The following TPTE2 variants were observed in gnomAD, a reference collection of about 807,000 sequenced individuals.
TPTE2 encodes the protein transmembrane phosphoinositide 3-phosphatase and tensin homolog 2, also known as phosphatidylinositol 3,4,5-trisphosphate 3-phosphatase TPTE2.
In TPTE2, 53 loss-of-function variants were observed where a neutral mutation model predicts 78.6. The observed-to-expected ratio is 0.67, with a 90% CI of 0.54 to 0.85. The LOEUF is 0.85. Ranked by LOEUF, TPTE2 falls within the 40% of genes least tolerant of loss-of-function variation. The pLI is 0.00. For missense variants in TPTE2, 461 were observed against 623.0 expected, an observed-to-expected ratio of 0.74 and a Z score of 2.77; for synonymous variants, 175 against 206.2, an observed-to-expected ratio of 0.85 and a Z score of 1.30.
At chr13:19,435,010 TTAGAATAGTTCAGCAAAGTC>T (rs1876969647) in intron 15 of TPTE2, among the ~76,000 whole-genome samples, 1 of 152,206 alleles carries the variant, frequency 6.6e-6, no homozygotes, top group Non-Finnish European at 1.5e-5. Context: ...TAGAGAACTC[TTAGAATAGTTCAGCAAAGTC>T]TAGAATGTTG....
intron 15 of TPTE2, among the ~76,000 whole-genome samples, chr13:19,434,130 G>A (rs2137483573): frequency 6.6e-6 from 1 of 152,338 alleles, no homozygotes; most frequent in South Asian, 2.1e-4. Context: ...TATGAGAAAA[G>A]GGTGGAAAGA....
In TPTE2 at chr13:19,430,404, G is replaced by A. The variant is rs1876475419; in HGVS notation, c.1302+64C>T. On this transcript the variant is annotated intron_variant, in intron 17 of 19. Coordinates refer to ENST00000400230, the Ensembl canonical transcript of TPTE2. ...GTGATAGTTTATGGAGGTGAACATTGCTGGTTTGACATTCAGCCTTAAAAC... is the reference window on the plus strand; with the variant it reads ...GTGATAGTTTATGGAGGTGAACATTACTGGTTTGACATTCAGCCTTAAAAC... 3 of 1,218,672 alleles carry A rather than the reference G, an allele frequency of 2.5e-6. No homozygotes were observed. The African/African-American group carries it at 4.5e-5, about 18-fold the overall frequency. The allele number at this position is 1,218,672 out of a possible 1,614,324, so 75.5% of individuals were successfully genotyped here.
chr13:19,501,901 G>C (rs1249095276), intron 1 of TPTE2, among the ~76,000 whole-genome samples: 2 of 151,042 alleles, frequency 1.3e-5, no homozygotes, highest in East Asian at 3.9e-4. Context: ...CTACTCATCT[G>C]ATAAAGGGCT....
intron 10 of TPTE2, among the ~76,000 whole-genome samples, chr13:19,460,616 A>G (rs941527272): frequency 6.6e-6 from 1 of 152,082 alleles, no homozygotes; most frequent in Admixed American, 6.5e-5. Context: ...TAGTCATGGG[A>G]TGATGACTCA....
chr13:19,542,737 G>A, the TPTE2 span, among the ~76,000 whole-genome samples: 1 of 152,156 alleles, frequency 6.6e-6, no homozygotes, highest in South Asian at 2.1e-4. Context: ...GCTCATGCCT[G>A]TAATCCCAAC....
At chr13:19,433,049 T>C (rs2137480425) in intron 15 of TPTE2, among the ~76,000 whole-genome samples, 1 of 152,326 alleles carries the variant, frequency 6.6e-6, no homozygotes, top group South Asian at 2.1e-4. Flanking sequence ...TCCTGACAGC[T>C]AGAATTTCTT....
chr13:19,553,431 T>C, the TPTE2 span, among the ~76,000 whole-genome samples: 1 of 152,192 alleles, frequency 6.6e-6, no homozygotes, highest in Non-Finnish European at 1.5e-5. Flanking sequence ...CATAGCCATT[T>C]GATTCCTGGA....
chr13:19,496,565 G>C (rs1881326337), intron 1 of TPTE2, among the ~76,000 whole-genome samples: 1 of 152,184 alleles, frequency 6.6e-6, no homozygotes, highest in Admixed American at 6.5e-5. Context: ...TGCTGTGCTT[G>C]TGTTTGTGTT....
At chr13:19,493,201 T>G (rs576098261) in intron 2 of TPTE2, among the ~76,000 whole-genome samples, 59 of 151,438 alleles carry the variant, frequency 3.9e-4, no homozygotes, top group Middle Eastern at 6.8e-3. Context: ...AAAATCTCTA[T>G]GGCCATGCAG....
chr13:19,468,595 G>A (rs1182022897), intron 6 of TPTE2, among the ~76,000 whole-genome samples: 2 of 152,152 alleles, frequency 1.3e-5, no homozygotes, highest in Non-Finnish European at 2.9e-5. Flanking sequence ...CCTGCAAACT[G>A]TTCTCCAATT....
intron 4 of TPTE2, among the ~76,000 whole-genome samples, chr13:19,476,669 A>G (rs1467109220): frequency 6.6e-6 from 1 of 152,192 alleles, no homozygotes; most frequent in Admixed American, 6.5e-5. Flanking sequence ...ATGAGATACC[A>G]TTTCACACCA....
chr13:19,437,653 G>A (rs1239087431), intron 14 of TPTE2, among the ~76,000 whole-genome samples: 4 of 152,178 alleles, frequency 2.6e-5, no homozygotes, highest in African/African-American at 9.7e-5. Context: ...CAGGTGAAGT[G>A]AGGGAAGCAT....
At chr13:19,453,625 A>T (rs1878347469) in intron 10 of TPTE2, among the ~76,000 whole-genome samples, 1 of 151,004 alleles carries the variant, frequency 6.6e-6, no homozygotes, top group South Asian at 2.1e-4. Context: ...TTTACCGAAG[A>T]CTGCAAATAC....
At chr13:19,537,183 T>C (rs1016222836), upstream of TPTE2, among the ~76,000 whole-genome samples, 6 of 151,898 alleles carry the variant, frequency 4.0e-5, no homozygotes, top group African/African-American at 1.4e-4. Flanking sequence ...ATGAAATGTA[T>C]GAAATGCTAT....
At chr13:19,530,469 T>G (rs1418606156) in intron 1 of TPTE2, among the ~76,000 whole-genome samples, 1 of 152,220 alleles carries the variant, frequency 6.6e-6, no homozygotes. Flanking sequence ...AATATGTGCT[T>G]CTCTCTTTGG....
intron 16 of TPTE2, among the ~76,000 whole-genome samples, chr13:19,431,629 T>C (rs991633313): frequency 3.9e-5 from 6 of 151,998 alleles, no homozygotes; most frequent in African/African-American, 1.2e-4. Context: ...CATTTGTCAT[T>C]AGAAATCACA....
chr13:19,444,213 G>A (rs1264556248), intron 13 of TPTE2, among the ~76,000 whole-genome samples: 3 of 148,382 alleles, frequency 2.0e-5, no homozygotes, highest in African/African-American at 7.4e-5. Flanking sequence ...GGCTGATATA[G>A]GAGGATCACC....
Position 19,532,073 on chromosome 13 carries a change from G to T in TPTE2, c.-44+4523C>A, listed in dbSNP as rs143017619. On this transcript the variant is annotated intron_variant, in intron 1 of 17. Transcript: ENST00000390680. Reference sequence around the variant, plus strand: ...TTTATTATGAACAAAGCTGATTTGGGAGAATGCAGCTTCTCTCTACTTGCA... The same window carrying T: ...TTTATTATGAACAAAGCTGATTTGGTAGAATGCAGCTTCTCTCTACTTGCA... Among the ~76,000 whole-genome samples, 958 of 152,312 alleles carry T rather than the reference G, an allele frequency of 6.3e-3. 16 individuals are homozygous for T. The highest frequency in any genetic ancestry group is 0.022 in the African/African-American group (916 of 41,556).
At chr13:19,521,065 G>A (rs1285337641) in intron 1 of TPTE2, among the ~76,000 whole-genome samples, 1 of 152,012 alleles carries the variant, frequency 6.6e-6, no homozygotes, top group East Asian at 1.9e-4. Flanking sequence ...TGTATACTCT[G>A]TTGTTGCTGG....
Sources: gnomAD v4.1 joint callset for allele counts (sites outside exome capture counted in the v4.1 genomes callset) on GRCh38, gnomAD v4.1.1 for gene constraint, MANE v1.5 for transcripts, NCBI Gene and HGNC (gene_info 2026-07-23, HGNC 2026-07-21) for gene names.